The following ST6GALNAC3 variants were observed in gnomAD, a reference collection of about 807,000 sequenced individuals.
The protein encoded by ST6GALNAC3 is ST6 N-acetylgalactosaminide alpha-2,6-sialyltransferase 3, also known as alpha-N-acetylgalactosaminide alpha-2,6-sialyltransferase 3.
In ST6GALNAC3, 25 loss-of-function variants were observed where a neutral mutation model predicts 32.7. That is an observed-to-expected ratio of 0.76 (90% CI 0.56 to 1.07). The LOEUF is 1.07. ST6GALNAC3 is among the 50% of genes least tolerant of loss of function. ST6GALNAC3 has a pLI of 0.00. For missense variants in ST6GALNAC3, 355 were observed against 382.4 expected (o/e 0.93, Z 0.60); for synonymous variants, 129 against 133.1 (o/e 0.97, Z 0.21).
chr1:76,341,706 CTTCT>C (rs1441653939), intron 2 of ST6GALNAC3, among the ~76,000 whole-genome samples: 4 of 63,420 alleles, frequency 6.3e-5, no homozygotes, highest in African/African-American at 1.3e-4. Flanking sequence ...TCTTTCTTTC[CTTCT>C]TTCTTTCTTT....
intron 1 of ST6GALNAC3, among the ~76,000 whole-genome samples, chr1:76,193,826 C>G (rs927393694): frequency 6.6e-6 from 1 of 152,144 alleles, no homozygotes; most frequent in African/African-American, 2.4e-5. Context: ...CTAGTGAGGA[C>G]TTTCTTCATG....
intron 3 of ST6GALNAC3, among the ~76,000 whole-genome samples, chr1:76,584,247 A>C (rs1284215962): frequency 2.6e-5 from 4 of 152,206 alleles, no homozygotes; most frequent in Non-Finnish European, 5.9e-5. Flanking sequence ...TGTCATTTAT[A>C]ATGTCAAATA....
chr1:76,303,885 T>C (rs1246895115), intron 1 of ST6GALNAC3, among the ~76,000 whole-genome samples: 1 of 151,994 alleles, frequency 6.6e-6, no homozygotes, highest in Non-Finnish European at 1.5e-5. Context: ...TTAACAAATG[T>C]TTAAATTTTT....
chr1:76,505,129 T>C (rs1661397879), intron 3 of ST6GALNAC3, among the ~76,000 whole-genome samples: 1 of 123,836 alleles, frequency 8.1e-6, no homozygotes. Flanking sequence ...AAGCCAAAGC[T>C]TTTTTTTTTT....
chr1:76,571,250 T>A (rs774100641), intron 3 of ST6GALNAC3, among the ~76,000 whole-genome samples: 1 of 152,148 alleles, frequency 6.6e-6, no homozygotes, highest in African/African-American at 2.4e-5. Flanking sequence ...TCTTCTGGTA[T>A]GGCTTCCTGC....
At chr1:76,582,234 A>T (rs913891512) in intron 3 of ST6GALNAC3, among the ~76,000 whole-genome samples, 1 of 152,116 alleles carries the variant, frequency 6.6e-6, no homozygotes, top group African/African-American at 2.4e-5. Flanking sequence ...TTTATTTCTA[A>T]TTTTTCCAGT....
chr1:76,367,335 C>T (rs1650453724), intron 2 of ST6GALNAC3, among the ~76,000 whole-genome samples: 1 of 152,010 alleles, frequency 6.6e-6, no homozygotes, highest in African/African-American at 2.4e-5. Flanking sequence ...AAGGATCTTA[C>T]AGGAATGGGG....
intron 3 of ST6GALNAC3, among the ~76,000 whole-genome samples, chr1:76,484,370 C>A (rs981949841): frequency 2.0e-5 from 3 of 152,158 alleles, no homozygotes; most frequent in African/African-American, 7.2e-5. Context: ...AATGTTCTTC[C>A]ATTTGTTTGT....
intron 2 of ST6GALNAC3, among the ~76,000 whole-genome samples, chr1:76,390,173 G>T (rs1652424571): frequency 6.6e-6 from 1 of 151,756 alleles, no homozygotes. Flanking sequence ...GTTTTGTTTT[G>T]GTGAAGCCAT....
At chr1:76,457,141 T>G (rs1364036347) in intron 3 of ST6GALNAC3, among the ~76,000 whole-genome samples, 3 of 151,906 alleles carry the variant, frequency 2.0e-5, no homozygotes, top group Non-Finnish European at 4.4e-5. Context: ...AAATCCAACT[T>G]ACAAGGGATG....
intron 1 of ST6GALNAC3, among the ~76,000 whole-genome samples, chr1:76,296,883 T>C (rs1190246604): frequency 1.3e-5 from 2 of 152,106 alleles, no homozygotes; most frequent in African/African-American, 4.8e-5. Flanking sequence ...ATATCTTGTA[T>C]GGTGCAGTTG....
intron 3 of ST6GALNAC3, among the ~76,000 whole-genome samples, chr1:76,581,783 G>T (rs1646895312): frequency 6.6e-6 from 1 of 152,060 alleles, no homozygotes; most frequent in Non-Finnish European, 1.5e-5. Flanking sequence ...AACTCTTTGG[G>T]TAAGGATCAA....
intron 2 of ST6GALNAC3, among the ~76,000 whole-genome samples, chr1:76,323,674 T>C (rs1570821773): frequency 6.6e-6 from 1 of 152,206 alleles, no homozygotes; most frequent in Non-Finnish European, 1.5e-5. Context: ...TAAAGGCTAA[T>C]AAAGAAGGTA....
At chr1:76,249,968 G>A (rs1290978529) in intron 1 of ST6GALNAC3, among the ~76,000 whole-genome samples, 1 of 152,092 alleles carries the variant, frequency 6.6e-6, no homozygotes, top group East Asian at 1.9e-4. Flanking sequence ...TAATTGTTGA[G>A]TTGTAAGAGT....
At chr1:76,167,439 T>G (rs912710655) in intron 1 of ST6GALNAC3, among the ~76,000 whole-genome samples, 1 of 152,166 alleles carries the variant, frequency 6.6e-6, no homozygotes, top group African/African-American at 2.4e-5. Context: ...GCTATTGGCC[T>G]GAAGATTCCT....
chr1:76,482,553 C>A (rs540824728), intron 3 of ST6GALNAC3, among the ~76,000 whole-genome samples: 2 of 152,106 alleles, frequency 1.3e-5, no homozygotes. Flanking sequence ...GCATTTAATA[C>A]AACAATTTTT....
chr1:76,518,613 T>C (rs1340062534), intron 3 of ST6GALNAC3, among the ~76,000 whole-genome samples: 1 of 152,176 alleles, frequency 6.6e-6, no homozygotes, highest in Non-Finnish European at 1.5e-5. Context: ...TGTCCTAAAA[T>C]TGCTCTTTCT....
chr1:76,083,441 A>C (rs1321040591), intron 1 of ST6GALNAC3, among the ~76,000 whole-genome samples: 3 of 152,258 alleles, frequency 2.0e-5, no homozygotes, highest in Non-Finnish European at 4.4e-5. Flanking sequence ...GGTACCAGAG[A>C]AGAGACACGA....
At chr1:76,129,549 T>C (rs1649477826) in intron 1 of ST6GALNAC3, among the ~76,000 whole-genome samples, 1 of 152,206 alleles carries the variant, frequency 6.6e-6, no homozygotes, top group South Asian at 2.1e-4. Context: ...CTTCTTTAAC[T>C]GTTGATTTAG....
Sources: gnomAD v4.1 joint callset for allele counts (sites outside exome capture counted in the v4.1 genomes callset) on GRCh38, gnomAD v4.1.1 for gene constraint, MANE v1.5 for transcripts, NCBI Gene and HGNC (gene_info 2026-07-23, HGNC 2026-07-21) for gene names.